The following ZPLD1 variants were observed in gnomAD, a reference collection of about 807,000 sequenced individuals.
ZPLD1 encodes the protein zona pellucida-like domain-containing protein 1.
ZPLD1 carries 34 observed loss-of-function variants against 47.2 expected under a neutral mutation model. The ratio of observed to expected loss-of-function variants is 0.72; its 90% CI spans 0.55 to 0.96. The LOEUF is 0.96. Among genes scored for constraint, ZPLD1 ranks in the 40% least tolerant of loss-of-function variants. The pLI is 0.00. For missense variants in ZPLD1, 512 were observed against 505.8 expected (o/e 1.01, Z -0.12); for synonymous variants, 176 against 186.2 (o/e 0.95, Z 0.45).
At chr3:102,388,813 G>A (rs774471235) in intron 6 of ZPLD1, among the ~76,000 whole-genome samples, 63 of 152,264 alleles carry the variant, frequency 4.1e-4, no homozygotes, top group Non-Finnish European at 6.3e-4. Context: ...TTCTGGGGGG[G>A]TGAGGAATCA....
At chr3:102,388,821 T>C (rs1706464134) in intron 6 of ZPLD1, among the ~76,000 whole-genome samples, 1 of 152,142 alleles carries the variant, frequency 6.6e-6, no homozygotes, top group African/African-American at 2.4e-5. Context: ...GGGTGAGGAA[T>C]CAGGAAATCC....
Position 102,470,381 on chromosome 3 carries a change from A to G in ZPLD1, c.934-13A>G. ...CCGGTGTGGAATTTCATTTGTTTTC[A>G]TTAACACCTCAGATTTGCAGCCACA... On this transcript the variant is annotated splice_polypyrimidine_tract_variant and intron_variant, in intron 9 of 11. Transcript: ENST00000466937. 3 of 1,610,696 alleles carry G rather than the reference A, an allele frequency of 1.9e-6. No homozygotes were observed. Among genetic ancestry groups the G allele is most frequent in the Non-Finnish European group, 2.5e-6 (3 of 1,177,062 alleles).
At chr3:102,457,878 A>T (rs1162283974) in intron 6 of ZPLD1, 25 bp downstream of exon 6, 1 of 1,610,942 alleles carries the variant, frequency 6.2e-7, no homozygotes, top group East Asian at 2.2e-5. Context: ...GAAGGATGTT[A>T]TTTTCTCTTT....
intron 11 of ZPLD1, among the ~76,000 whole-genome samples, 169 bp downstream of exon 11, chr3:102,477,210 A>G (rs566453978): frequency 6.6e-6 from 1 of 152,244 alleles, no homozygotes; most frequent in Admixed American, 6.5e-5. Flanking sequence ...CAATTTTTAT[A>G]GCATTTGATA....
intron 7 of ZPLD1, among the ~76,000 whole-genome samples, chr3:102,394,267 A>G (rs1706533119): frequency 6.6e-6 from 1 of 152,210 alleles, no homozygotes; most frequent in Non-Finnish European, 1.5e-5. Context: ...ATAATGCAAC[A>G]TTAAGGTTAT....
intron 7 of ZPLD1, among the ~76,000 whole-genome samples, chr3:102,397,701 T>C (rs1364166039): frequency 6.6e-6 from 1 of 152,132 alleles, no homozygotes; most frequent in African/African-American, 2.4e-5. Context: ...AAGATGACAT[T>C]ATCTGCCACC....
chr3:102,407,966 C>T (rs1706709497), intron 7 of ZPLD1, among the ~76,000 whole-genome samples: 1 of 151,802 alleles, frequency 6.6e-6, no homozygotes, highest in South Asian at 2.1e-4. Flanking sequence ...AGCACCTAAA[C>T]CAGACTGGGA....
chr3:102,452,982 C>A lies in ZPLD1; in HGVS notation c.170C>A (p.Thr57Lys). Residue 57 changes from threonine to lysine, a missense_variant, in exon 4 of 12, where the codon ACG (threonine) becomes AAG (lysine). Transcript: ENST00000466937. Reference sequence around the variant, plus strand: ...ATTACGATGAAGATTAATTTTTGCACGGTACTTTTCTCGGGTTATTCGGAA... The same window carrying A: ...ATTACGATGAAGATTAATTTTTGCAAGGTACTTTTCTCGGGTTATTCGGAA... ...QAITMKINFC[T>K]VLFSGYSETD... 2 of 1,614,012 alleles carry A rather than the reference C, an allele frequency of 1.2e-6. No homozygotes were observed. Among genetic ancestry groups the A allele is most frequent in the South Asian group, 1.1e-5 (1 of 91,076 alleles).
At chr3:102,462,546 G>A (rs1485848369) in intron 7 of ZPLD1, among the ~76,000 whole-genome samples, 168 bp downstream of exon 7, 3 of 151,716 alleles carry the variant, frequency 2.0e-5, no homozygotes, top group Non-Finnish European at 4.4e-5. Flanking sequence ...AAGTTTAAGA[G>A]GTTACACTCA....
intron 6 of ZPLD1, among the ~76,000 whole-genome samples, 165 bp downstream of exon 6, chr3:102,458,018 G>A (rs537767961): frequency 6.6e-6 from 1 of 152,026 alleles, no homozygotes; most frequent in South Asian, 2.1e-4. Flanking sequence ...TAGTGATAAA[G>A]GTATAATAAT....
At chr3:102,469,272 G>C (rs2107353834) in intron 9 of ZPLD1, 137 bp downstream of exon 9, 1 of 935,726 alleles carries the variant, frequency 1.1e-6, no homozygotes, top group Non-Finnish European at 1.5e-6. Context: ...TTATTCATTT[G>C]TCTAGTAAAG....
intron 8 of ZPLD1, among the ~76,000 whole-genome samples, chr3:102,424,783 T>A (rs1243461830): frequency 6.6e-6 from 1 of 152,180 alleles, no homozygotes; most frequent in African/African-American, 2.4e-5. Context: ...GATGTTCCCT[T>A]CCATTCCAAT....
intron 7 of ZPLD1, among the ~76,000 whole-genome samples, chr3:102,396,433 C>T (rs758593750): frequency 1.2e-4 from 19 of 152,028 alleles, no homozygotes; most frequent in East Asian, 1.9e-4. Context: ...ACACCTTTCA[C>T]GCAGACTAGT....
At position 102,452,996 on chromosome 3, in the gene ZPLD1, G is replaced by T. The variant is rs779043082; in HGVS notation, c.184G>T (p.Gly62Cys). The stretch of plus-strand genomic sequence containing the variant: ...TAATTTTTGCACGGTACTTTTCTCG[G>T]GTTATTCGGAAACAGATCTGGCACT... Reference protein sequence around the residue: ...KINFCTVLFSGYSETDLALNG... With the variant: ...KINFCTVLFSCYSETDLALNG... Residue 62 changes from glycine to cysteine, a missense_variant, in exon 4 of 12, where the codon GGT (glycine) becomes TGT (cysteine). Physicochemically the swap from Gly to Cys is radical, Grantham distance 159. Coordinates refer to ENST00000466937, the MANE Select transcript of ZPLD1 (RefSeq NM_001329788.2). 18 of 1,614,106 alleles carry T rather than the reference G, an allele frequency of 1.1e-5. No individual in the cohort carries two copies. Among genetic ancestry groups the T allele is most frequent in the Non-Finnish European group, 1.5e-5 (18 of 1,179,994 alleles).
At chr3:102,400,850 C>A (rs145663672) in intron 7 of ZPLD1, among the ~76,000 whole-genome samples, 165 of 152,094 alleles carry the variant, frequency 1.1e-3, no homozygotes, top group African/African-American at 3.7e-3. Flanking sequence ...TAGCAATGGA[C>A]CTCTCACCAC....
chr3:102,399,425 A>G (rs1160882181), intron 7 of ZPLD1, among the ~76,000 whole-genome samples: 1 of 152,032 alleles, frequency 6.6e-6, no homozygotes, highest in Non-Finnish European at 1.5e-5. Flanking sequence ...CATCTTGTCT[A>G]CAGAGTTTTG....
chr3:102,457,033 C>A (rs990260839), intron 5 of ZPLD1, among the ~76,000 whole-genome samples: 7 of 152,186 alleles, frequency 4.6e-5, no homozygotes, highest in African/African-American at 1.7e-4. Flanking sequence ...AATATAATCA[C>A]CTGGATTTGT....
intron 7 of ZPLD1, among the ~76,000 whole-genome samples, chr3:102,406,612 T>C (rs1211526343): frequency 6.6e-6 from 1 of 151,998 alleles, no homozygotes; most frequent in African/African-American, 2.4e-5. Context: ...TAGAAGTTTA[T>C]ATTTTGCTTA....
intron 9 of ZPLD1, among the ~76,000 whole-genome samples, chr3:102,469,860 C>T (rs188789701): frequency 2.6e-5 from 4 of 152,144 alleles, no homozygotes; most frequent in Admixed American, 6.5e-5. Context: ...CTATTCTGAC[C>T]GGCTCTCTAG....
Sources: gnomAD v4.1 joint callset for allele counts (sites outside exome capture counted in the v4.1 genomes callset) on GRCh38, gnomAD v4.1.1 for gene constraint, MANE v1.5 for transcripts, NCBI Gene and HGNC (gene_info 2026-07-23, HGNC 2026-07-21) for gene names.